KIF4A: variants seen among roughly 807,000 people sequenced by gnomAD.
KIF4A encodes chromosome-associated kinesin KIF4A.
Under a neutral mutation model 105.9 loss-of-function variants are expected in KIF4A, and 7 were observed. That is an observed-to-expected ratio of 0.07 (90% CI 0.04 to 0.12). The LOEUF (loss-of-function observed/expected upper bound fraction) is 0.12, where lower values mean the gene tolerates loss of function less well. Ranked by LOEUF, KIF4A falls within the 10% of genes least tolerant of loss-of-function variation. The probability of loss-of-function intolerance (pLI) is 1.00; values close to 1 mark genes in which losing one functional copy is unlikely to be tolerated. For synonymous variants in KIF4A, 281 were observed against 331.3 expected, an observed-to-expected ratio of 0.85 and a Z score of 1.65; for missense variants, 558 against 929.2, an observed-to-expected ratio of 0.60 and a Z score of 5.19.
chrX:70,366,691 A>AGGTGT (rs1370948588), intron 15 of KIF4A, among the ~76,000 whole-genome samples: 1 of 111,795 alleles, frequency 8.9e-6, no homozygotes, highest in African/African-American at 3.3e-5. Context: ...GTTTTGGAAT[A>AGGTGT]GGTGTGGTGT....
chrX:70,385,111 A>G (rs2086213024), intron 18 of KIF4A, among the ~76,000 whole-genome samples: 1 of 111,955 alleles, frequency 8.9e-6, no homozygotes, highest in Admixed American at 9.5e-5. Context: ...CTGAGAATCT[A>G]TTTCATGTAT....
chrX:70,321,303 C>T (rs1201408346), intron 7 of KIF4A, among the ~76,000 whole-genome samples: 1 of 112,233 alleles, frequency 8.9e-6, no homozygotes, highest in Non-Finnish European at 1.9e-5. Context: ...ACAACATAGC[C>T]ACGTTTTAAG....
chrX:70,383,954 T>C (rs12690327), intron 18 of KIF4A, among the ~76,000 whole-genome samples: 1 of 112,080 alleles, frequency 8.9e-6, no homozygotes, highest in Admixed American at 9.5e-5. Context: ...ATGAAAATGT[T>C]CTAAAATTAA....
intron 5 of KIF4A, 77 bp downstream of exon 5, chrX:70,299,279 C>A: frequency 3.7e-6 from 3 of 810,148 alleles, no homozygotes; most frequent in African/African-American, 2.0e-5. Flanking sequence ...CTTTTATCTG[C>A]CACTGTGGTT....
At chrX:70,416,527 G>C (rs1332567584) in intron 28 of KIF4A, among the ~76,000 whole-genome samples, 1 of 108,311 alleles carries the variant, frequency 9.2e-6, no homozygotes, top group Non-Finnish European at 1.9e-5. Flanking sequence ...GTGGAGACAG[G>C]GTTTCAGCAT....
intron 15 of KIF4A, among the ~76,000 whole-genome samples, chrX:70,367,441 G>A (rs1336317412): frequency 9.0e-6 from 1 of 111,569 alleles, no homozygotes. Flanking sequence ...TTTAGGGCAG[G>A]CCTGGTGGTG....
chrX:70,372,244 G>A (rs755234186), intron 15 of KIF4A, among the ~76,000 whole-genome samples: 130 of 112,366 alleles, frequency 1.2e-3, no homozygotes, highest in African/African-American at 4.0e-3. Flanking sequence ...ACGGGGTGGC[G>A]GCCGGGCAGA....
chrX:70,386,993 TC>T (rs1297506276), intron 19 of KIF4A, among the ~76,000 whole-genome samples, 190 bp from the exon 20 acceptor site: 4 of 112,084 alleles, frequency 3.6e-5, no homozygotes, highest in Non-Finnish European at 7.5e-5. Context: ...CTGCAGAACT[TC>T]CTTGAAGTGT....
At chrX:70,405,118 A>G (rs2086295371) in intron 25 of KIF4A, among the ~76,000 whole-genome samples, 1 of 110,910 alleles carries the variant, frequency 9.0e-6, no homozygotes, top group Non-Finnish European at 1.9e-5. Context: ...GAGGAAGTGA[A>G]ATCATCCAGT....
At chrX:70,303,442 C>G (rs1347761910) in intron 7 of KIF4A, among the ~76,000 whole-genome samples, 1 of 112,065 alleles carries the variant, frequency 8.9e-6, no homozygotes, top group African/African-American at 3.2e-5. Flanking sequence ...CTTCATTTCT[C>G]TCTTGGGAAC....
chrX:70,363,223 T>C (rs2086084237), intron 15 of KIF4A, among the ~76,000 whole-genome samples: 1 of 99,681 alleles, frequency 1.0e-5, no homozygotes, highest in East Asian at 3.2e-4. Context: ...GTGGTGTATA[T>C]AATGAATAGA....
intron 28 of KIF4A, among the ~76,000 whole-genome samples, chrX:70,413,150 CTG>C (rs1213327526): frequency 2.7e-5 from 3 of 112,337 alleles, no homozygotes; most frequent in Admixed American, 9.4e-5. Context: ...GTGCCAGGCA[CTG>C]TTTCTAGATG....
chrX:70,350,159 G>A (rs1389082616), intron 13 of KIF4A, among the ~76,000 whole-genome samples: 9 of 111,130 alleles, frequency 8.1e-5, no homozygotes, highest in East Asian at 2.9e-4. Flanking sequence ...AGGTTGTAGC[G>A]AGCCGAGATC....
At chrX:70,387,483 C>T (rs1168560370) in intron 20 of KIF4A, among the ~76,000 whole-genome samples, 186 bp downstream of exon 20, 4 of 111,434 alleles carry the variant, frequency 3.6e-5, no homozygotes, top group Non-Finnish European at 5.6e-5. Flanking sequence ...GTATAGAACT[C>T]TTTCTATCTT....
chrX:70,419,531 C>A, intron 29 of KIF4A, 130 bp from the exon 30 acceptor site: 1 of 757,505 alleles, frequency 1.3e-6, no homozygotes, highest in Non-Finnish European at 2.0e-6. Flanking sequence ...CCAAGCAGGG[C>A]CTCCCTAAGA....
intron 15 of KIF4A, among the ~76,000 whole-genome samples, 196 bp from the exon 16 acceptor site, chrX:70,373,955 A>G (rs1441660705): frequency 9.5e-6 from 1 of 105,717 alleles, no homozygotes; most frequent in Non-Finnish European, 1.9e-5. Context: ...AGTCAAGATT[A>G]AAACCCAGAC....
chrX:70,294,101 T>C (rs1985069291), intron 3 of KIF4A, among the ~76,000 whole-genome samples: 1 of 112,502 alleles, frequency 8.9e-6, no homozygotes, highest in African/African-American at 3.2e-5. Context: ...TTCTGTAAGC[T>C]TTTTTCTTTT....
Position 70,404,711 on chromosome X carries a change from C to G in KIF4A, c.2791-4C>G. ...ACCACCCATTGGATCGTGTCTTTCT[C>G]TAGGTGCTGTACCTTCTCAGCCAGC... On this transcript the variant is annotated splice_region_variant and splice_polypyrimidine_tract_variant and intron_variant, in intron 24 of 30. Coordinates refer to ENST00000374403, the MANE Select transcript of KIF4A (RefSeq NM_012310.5). 1 of 1,190,662 alleles carries G rather than the reference C, an allele frequency of 8.4e-7. No homozygotes were observed. Among genetic ancestry groups the G allele is most frequent in the Non-Finnish European group, 1.1e-6 (1 of 880,669 alleles).
At chrX:70,382,201 G>A (rs900454553) in intron 18 of KIF4A, among the ~76,000 whole-genome samples, 2 of 112,332 alleles carry the variant, frequency 1.8e-5, no homozygotes, top group African/African-American at 3.2e-5. Context: ...ATGCCGAGGC[G>A]GGTGGATCAC....
Sources: gnomAD v4.1 joint callset for allele counts (sites outside exome capture counted in the v4.1 genomes callset) on GRCh38, gnomAD v4.1.1 for gene constraint, MANE v1.5 for transcripts, NCBI Gene and HGNC (gene_info 2026-07-23, HGNC 2026-07-21) for gene names.